CADPS2: variants seen among roughly 807,000 people sequenced by gnomAD.
The protein encoded by CADPS2 is calcium dependent secretion activator 2, also known as calcium-dependent secretion activator 2.
CADPS2 carries 93 observed loss-of-function variants against 172.5 expected under a neutral mutation model. That is an observed-to-expected ratio of 0.54 (90% CI 0.46 to 0.64). The LOEUF (loss-of-function observed/expected upper bound fraction) is 0.64, where lower values mean the gene tolerates loss of function less well. Ranked by LOEUF, CADPS2 falls within the 30% of genes least tolerant of loss-of-function variation. The pLI, the probability that CADPS2 is intolerant of heterozygous loss-of-function variation, is 0.00. For synonymous variants in CADPS2, 546 were observed against 555.2 expected (o/e 0.98, Z 0.23); for missense variants, 1,420 against 1,565.9 (o/e 0.91, Z 1.57).
chr7:122,595,258 T>C (rs1020910812), intron 6 of CADPS2, among the ~76,000 whole-genome samples: 7 of 152,014 alleles, frequency 4.6e-5, no homozygotes, highest in Non-Finnish European at 7.4e-5. Flanking sequence ...TTGCAAACTA[T>C]GAGGTTATAA....
chr7:122,807,651 A>G (rs34959847), intron 1 of CADPS2, among the ~76,000 whole-genome samples: 25,530 of 152,166 alleles, frequency 0.17, 2,245 homozygotes, highest in Middle Eastern at 0.26. Flanking sequence ...CTGGAAGTCC[A>G]AGATCAAAGT....
At chr7:122,596,494 T>G (rs2071804237) in intron 6 of CADPS2, among the ~76,000 whole-genome samples, 1 of 152,136 alleles carries the variant, frequency 6.6e-6, no homozygotes, top group Non-Finnish European at 1.5e-5. Context: ...GCAAACAGAC[T>G]CTGGCCTTCG....
At chr7:122,519,596 C>G (rs1265422146) in intron 8 of CADPS2, among the ~76,000 whole-genome samples, 3 of 151,874 alleles carry the variant, frequency 2.0e-5, no homozygotes, top group Non-Finnish European at 4.4e-5. Flanking sequence ...GCACTATTTG[C>G]TCCAAAGAAA....
chr7:122,636,080 G>A (rs1475125359), intron 3 of CADPS2, among the ~76,000 whole-genome samples: 1 of 152,136 alleles, frequency 6.6e-6, no homozygotes, highest in Non-Finnish European at 1.5e-5. Context: ...TTTAAGTGGG[G>A]TTTTGAGACC....
chr7:122,696,779 T>C (rs143029781), intron 2 of CADPS2, among the ~76,000 whole-genome samples: 89 of 152,298 alleles, frequency 5.8e-4, no homozygotes, highest in African/African-American at 2.1e-3. Flanking sequence ...TTCTGTTATT[T>C]TGTATAATTG....
chr7:122,480,949 T>A (rs2057217619), intron 11 of CADPS2, 89 bp from the exon 12 acceptor site: 1 of 1,026,908 alleles, frequency 9.7e-7, no homozygotes, highest in African/African-American at 1.7e-5. Context: ...AATTTTTTAT[T>A]TTCTCAATTT....
chr7:122,742,935 A>G (rs2092562922), intron 1 of CADPS2, among the ~76,000 whole-genome samples: 1 of 152,152 alleles, frequency 6.6e-6, no homozygotes, highest in Admixed American at 6.5e-5. Context: ...GCCATTATAT[A>G]TACTCCTTCA....
intron 1 of CADPS2, among the ~76,000 whole-genome samples, chr7:122,764,965 C>T (rs1327776668): frequency 6.6e-6 from 1 of 152,122 alleles, no homozygotes; most frequent in Non-Finnish European, 1.5e-5. Flanking sequence ...TATTTCTGTA[C>T]CTCCTACCAC....
intron 3 of CADPS2, among the ~76,000 whole-genome samples, chr7:122,657,163 T>C (rs1322099262): frequency 1.3e-5 from 2 of 152,210 alleles, no homozygotes; most frequent in African/African-American, 4.8e-5. Context: ...GTTCCATAGG[T>C]CTATATCTCT....
intron 8 of CADPS2, among the ~76,000 whole-genome samples, chr7:122,552,780 T>G (rs1260959228): frequency 6.6e-6 from 1 of 151,316 alleles, no homozygotes; most frequent in East Asian, 1.9e-4. Flanking sequence ...TTCCTGTTTT[T>G]TTTTTTTTTT....
chr7:122,729,570 G>C (rs1277495237), intron 2 of CADPS2, among the ~76,000 whole-genome samples: 1 of 151,484 alleles, frequency 6.6e-6, no homozygotes, highest in Non-Finnish European at 1.5e-5. Context: ...TCTAACTGAG[G>C]TGGGATGATA....
At chr7:122,367,776 T>C (rs2041169496) in intron 25 of CADPS2, among the ~76,000 whole-genome samples, 2 of 147,940 alleles carry the variant, frequency 1.4e-5, no homozygotes, top group Non-Finnish European at 3.0e-5. Flanking sequence ...TATAGTTCTG[T>C]AGTTCAGAAG....
rs561457129 is a variant in CADPS2 at position 122,642,001 on chromosome 7, C to T, written c.787-12673G>A. ...ATATTAAAAATGGAGAAATTGAGGC[C>T]GGCCGTGGTGGCTCAAACCTGTAAT... On this transcript the variant is annotated intron_variant, in intron 3 of 29. Coordinates refer to ENST00000449022, the MANE Select transcript of CADPS2 (RefSeq NM_017954.11). 1.7e-4 allele frequency among the ~76,000 whole-genome samples: 26 copies of T among 152,038 alleles called. No individual in the cohort carries two copies. The South Asian group carries it at 4.6e-3, about 27-fold the overall frequency.
chr7:122,865,256 C>T (rs767783820), intron 1 of CADPS2, among the ~76,000 whole-genome samples: 9 of 152,194 alleles, frequency 5.9e-5, no homozygotes, highest in Admixed American at 2.0e-4. Context: ...CAGTTGCCAG[C>T]GCCTTGCCAG....
intron 7 of CADPS2, among the ~76,000 whole-genome samples, chr7:122,562,308 A>C (rs1346386031): frequency 6.6e-6 from 1 of 152,200 alleles, no homozygotes; most frequent in Non-Finnish European, 1.5e-5. Context: ...AGGGTTCTGA[A>C]ACACGGCAGA....
intron 8 of CADPS2, among the ~76,000 whole-genome samples, chr7:122,552,625 T>G (rs2064447235): frequency 6.6e-6 from 1 of 151,976 alleles, no homozygotes; most frequent in Admixed American, 6.6e-5. Context: ...GAGCAAGGGT[T>G]TCTTCCCACT....
At chr7:122,367,262 G>A (rs1455370300) in intron 25 of CADPS2, among the ~76,000 whole-genome samples, 1 of 151,916 alleles carries the variant, frequency 6.6e-6, no homozygotes, top group Non-Finnish European at 1.5e-5. Flanking sequence ...AGAAATCCAG[G>A]GGAAAATATT....
chr7:122,837,430 G>C (rs1342871700), intron 1 of CADPS2, among the ~76,000 whole-genome samples: 1 of 152,134 alleles, frequency 6.6e-6, no homozygotes, highest in East Asian at 1.9e-4. Context: ...ACTAAGATCA[G>C]AGCACAACTG....
intron 20 of CADPS2, 99 bp from the exon 21 acceptor site, chr7:122,393,681 C>A (rs1404652945): frequency 1.6e-6 from 2 of 1,213,526 alleles, no homozygotes; most frequent in African/African-American, 3.0e-5. Context: ...GAGTCTGACA[C>A]AGAAGAACTG....
Sources: allele counts gnomAD v4.1 joint callset (sites outside exome capture counted in the v4.1 genomes callset), GRCh38; gene constraint gnomAD v4.1.1; transcripts MANE v1.5; gene names NCBI Gene and HGNC (gene_info 2026-07-23, HGNC 2026-07-21).